The following PNPLA6 variants were observed in gnomAD, a reference collection of about 807,000 sequenced individuals.
PNPLA6 encodes patatin-like phospholipase domain-containing protein 6.
In PNPLA6, 105 loss-of-function variants were observed where a neutral mutation model predicts 153.7. That is an observed-to-expected ratio of 0.68 (90% CI 0.58 to 0.80). The LOEUF is 0.80. Among genes scored for constraint, PNPLA6 ranks in the 30% least tolerant of loss-of-function variants. The pLI is 0.00. For missense variants in PNPLA6, 1,423 were observed against 1,919.3 expected (o/e 0.74, Z 4.83); for synonymous variants, 825 against 822.2 (o/e 1.00, Z -0.06).
rs1377579257 is a variant in PNPLA6, at chr19:7,555,545, A to G, written c.2937-62A>G. ...AGCAGTGCGGGAGGTGGGAGGAGGT[A>G]GGGGCAGGGGAGTTCCTGCAGGTGG... On this transcript the variant is annotated intron_variant, in intron 23 of 31. Transcript: ENST00000600737. The surrounding 1 kb of genome is among the most constrained non-coding windows in gnomAD (Gnocchi z 6.3). 2 of 1,572,952 alleles carry G rather than the reference A, an allele frequency of 1.3e-6. No individual in the cohort carries two copies. The highest frequency in any genetic ancestry group is 1.7e-6 in the Non-Finnish European group (2 of 1,152,438).
chr19:7,554,769 CT>C, intron 21 of PNPLA6, 46 bp downstream of exon 21: 1 of 1,601,856 alleles, frequency 6.2e-7, no homozygotes. Context: ...GGGTCCCGTC[CT>C]TTGCCCTCCC....
chr19:7,541,149 C>T lies in PNPLA6; in HGVS notation c.924+98C>T. On this transcript the variant is annotated intron_variant, in intron 7 of 31. Coordinates refer to ENST00000600737, the MANE Select transcript of PNPLA6 (RefSeq NM_001166114.2). The surrounding 1 kb of genome is among the most constrained non-coding windows in gnomAD (Gnocchi z 5.2). ...GGACCGAGGCCCAGCAGCCAGCAGGCGCTGGAGCTGTGGTTATCGGCCTGG... is the reference window on the plus strand; with the variant it reads ...GGACCGAGGCCCAGCAGCCAGCAGGTGCTGGAGCTGTGGTTATCGGCCTGG... 7.1e-7 allele frequency: 1 copy of T among 1,403,698 alleles called. No homozygotes were observed. Among genetic ancestry groups the T allele is most frequent in the Non-Finnish European group, 9.9e-7 (1 of 1,012,500 alleles). The allele number at this position is 1,403,698 out of a possible 1,614,324, so 87.0% of individuals were successfully genotyped here.
At position 7,553,981 on chromosome 19, in the gene PNPLA6, C is replaced by T; in HGVS notation, c.2367C>T (p.Phe789=). Residue 789 remains phenylalanine, a synonymous_variant, in exon 19 of 32, where the codon TTC becomes TTT. Coordinates refer to ENST00000600737, the MANE Select transcript of PNPLA6 (RefSeq NM_001166114.2). ...PVCAEVPMVA[F]TLELQHALQA... is the part of the protein sequence containing the mutation. ...GTGCTGAGGTCCCCATGGTGGCCTT[C>T]ACGCTGGAGCTGCAGCACGCCCTGC... 1 of 1,614,044 alleles carries T rather than the reference C, an allele frequency of 6.2e-7. No individual in the cohort carries two copies. The highest frequency in any genetic ancestry group is 1.3e-5 in the African/African-American group (1 of 74,998).
Position 7,550,154 on chromosome 19 carries a change from A to G in PNPLA6, c.1814+42A>G, listed in dbSNP as rs767468332. On this transcript the variant is annotated intron_variant, in intron 14 of 31. Coordinates refer to ENST00000600737, the MANE Select transcript of PNPLA6 (RefSeq NM_001166114.2). ...TTGGAGTGTGGGTGGCACTCGGAGG[A>G]CCCCAACCCGTGGGAGTGGCCAGAA... 4.0e-5 allele frequency: 65 copies of G among 1,610,658 alleles called. No homozygotes were observed. In the Admixed American group the frequency reaches 1.1e-3, roughly 26 times the overall value.
rs557664712 is a variant in PNPLA6, at chr19:7,558,484, T to G, written c.3398-366T>G. ...CGGTTTCTACTAAAAATACAAAAATTAGCTGGGCGTGGTGGTGTATGCCTC... is the reference window on the plus strand; with the variant it reads ...CGGTTTCTACTAAAAATACAAAAATGAGCTGGGCGTGGTGGTGTATGCCTC... On this transcript the variant is annotated intron_variant, in intron 27 of 31. Coordinates refer to ENST00000600737, the MANE Select transcript of PNPLA6 (RefSeq NM_001166114.2). Among the ~76,000 whole-genome samples the G allele has an allele frequency of 2.6e-5, 4 of 152,132 alleles. No homozygotes were observed. The East Asian group carries it at 7.7e-4, about 29-fold the overall frequency.
Position 7,541,711 on chromosome 19 carries a change from G to C in PNPLA6, c.1168+27G>C, listed in dbSNP as rs1382471226. On this transcript the variant is annotated intron_variant, in intron 9 of 31. Coordinates refer to ENST00000600737, the MANE Select transcript of PNPLA6 (RefSeq NM_001166114.2). This position sits in a 1 kb window ranked among gnomAD's most constrained non-coding sequence, Gnocchi z 5.2. Reference sequence around the variant, plus strand: ...TACCCAGGGACCCGAGGCCAGCCGAGCCCAATCTCCCAGGAAGCCCCGTCT... The same window carrying C: ...TACCCAGGGACCCGAGGCCAGCCGACCCCAATCTCCCAGGAAGCCCCGTCT... 1 of 1,553,924 alleles carries C rather than the reference G, an allele frequency of 6.4e-7. No individual in the cohort carries two copies. Among genetic ancestry groups the C allele is most frequent in the East Asian group, 2.4e-5 (1 of 41,862 alleles).
chr19:7,540,079 G>C lies in PNPLA6; in HGVS notation c.554+21G>C. On this transcript the variant is annotated intron_variant, in intron 4 of 31. Transcript: ENST00000600737. This position sits in a 1 kb window ranked among gnomAD's most constrained non-coding sequence, Gnocchi z 6.8. ...GTCCGGTCAGTGTTGGGGTGCAGGT[G>C]GGGGTGGAGGGCTGCAGACGTGGGG... The C allele has an allele frequency of 6.2e-7, 1 of 1,613,978 alleles. No homozygotes were observed. The highest frequency in any genetic ancestry group is 8.5e-7 in the Non-Finnish European group (1 of 1,179,960).
chr19:7,538,902 T>C (rs916424041), intron 3 of PNPLA6, among the ~76,000 whole-genome samples: 2 of 152,220 alleles, frequency 1.3e-5, no homozygotes, highest in Non-Finnish European at 2.9e-5. Context: ...TAAACACAGG[T>C]ACCATTTCTG....
In PNPLA6 at chr19:7,559,127, C is replaced by T. The variant is rs1029890238; in HGVS notation, c.3675C>T (p.Asp1225=). 6.2e-7 allele frequency: 1 copy of T among 1,614,168 alleles called. No homozygotes were observed. The highest frequency in any genetic ancestry group is 8.5e-7 in the Non-Finnish European group (1 of 1,180,020). ...RPPIDCFKTM[D]FGKFDQIYDV... ...CCATCGACTGCTTCAAGACCATGGA[C>T]TTTGGGAAGTTCGACCAGATCTATG... The change falls in exon 28 of 32, where the codon GAC becomes GAT. Residue 1225 remains aspartate (D), a synonymous_variant. Coordinates refer to ENST00000600737, the MANE Select transcript of PNPLA6 (RefSeq NM_001166114.2).
intron 3 of PNPLA6, among the ~76,000 whole-genome samples, 161 bp from the exon 4 acceptor site, chr19:7,539,757 C>CAAAA (rs762061101): frequency 3.9e-5 from 2 of 50,882 alleles, no homozygotes; most frequent in Non-Finnish European, 8.6e-5. Flanking sequence ...AACTTCGTCT[C>CAAAA]AAAAAAAAAA....
Position 7,558,993 on chromosome 19 carries a change from G to T in PNPLA6, c.3541G>T (p.Val1181Leu). Residue 1181 changes from valine (V) to leucine (L), a missense_variant, in exon 28 of 32, where the codon GTA (valine) becomes TTA (leucine). Around this residue, in one of 10 missense-constraint regions of PNPLA6, gnomAD observed 643 missense variants for 835.2 expected, o/e 0.77. Coordinates refer to ENST00000600737, the MANE Select transcript of PNPLA6 (RefSeq NM_001166114.2). ...GCGGCTGAATCCCTGGGCTGACAAGGTAAAGGTTCCAGACATGGCTGAAAT... is the reference window on the plus strand; with the variant it reads ...GCGGCTGAATCCCTGGGCTGACAAGTTAAAGGTTCCAGACATGGCTGAAAT... ...WKRLNPWADK[V>L]KVPDMAEIQS... 6.2e-7 allele frequency: 1 copy of T among 1,614,232 alleles called. No homozygotes were observed. The highest frequency in any genetic ancestry group is 1.3e-5 in the African/African-American group (1 of 75,066).
At position 7,555,384 on chromosome 19, in the gene PNPLA6, C is replaced by T. The variant is rs763749201; in HGVS notation, c.2936+17C>T. ...CGGGGCCAGGTGAGGGCGGGGCTTG[C>T]TCTCTGGGGGCGGGGCCTGGATGTC... On this transcript the variant is annotated intron_variant, in intron 23 of 31. Transcript: ENST00000600737. This position sits in a 1 kb window ranked among gnomAD's most constrained non-coding sequence, Gnocchi z 6.3. The T allele has an allele frequency of 1.0e-3, 1,544 of 1,475,020 alleles. 2 individuals are homozygous for T. Among genetic ancestry groups the T allele is most frequent in the Middle Eastern group, 1.4e-3 (8 of 5,670 alleles). The allele number at this position is 1,475,020 out of a possible 1,614,324, so 91.4% of individuals were successfully genotyped here.
rs202211650 is a variant in PNPLA6 at position 7,540,107 on chromosome 19, G to T, written c.555-42G>T. The T allele has an allele frequency of 4.3e-6, 7 of 1,613,556 alleles. No individual in the cohort carries two copies. Among genetic ancestry groups the T allele is most frequent in the Non-Finnish European group, 5.9e-6 (7 of 1,179,984 alleles). On this transcript the variant is annotated intron_variant, in intron 4 of 31. Coordinates refer to ENST00000600737, the MANE Select transcript of PNPLA6 (RefSeq NM_001166114.2). This position sits in a 1 kb window ranked among gnomAD's most constrained non-coding sequence, Gnocchi z 6.8. ...GGTGGAGGGCTGCAGACGTGGGGCCGCCCTGACCTCCAGCCTCTGTCGCCC... is the reference window on the plus strand; with the variant it reads ...GGTGGAGGGCTGCAGACGTGGGGCCTCCCTGACCTCCAGCCTCTGTCGCCC...
chr19:7,545,361 A>C (rs975044830), intron 13 of PNPLA6, among the ~76,000 whole-genome samples: 1 of 152,078 alleles, frequency 6.6e-6, no homozygotes, highest in African/African-American at 2.4e-5. Context: ...AGGTTCCAGC[A>C]TGTGTTTATA....
intron 28 of PNPLA6, among the ~76,000 whole-genome samples, chr19:7,560,131 ACT>A (rs1007429934): frequency 3.3e-5 from 5 of 152,106 alleles, no homozygotes; most frequent in African/African-American, 9.7e-5. Flanking sequence ...ACAGAGTGAG[ACT>A]CTGTCTCAAA....
rs774591720 is a variant in PNPLA6 at position 7,540,098 on chromosome 19, C to T, written c.554+40C>T. 5.6e-6 allele frequency: 9 copies of T among 1,613,808 alleles called. No homozygotes were observed. In the Admixed American group the frequency reaches 6.7e-5, roughly 12 times the overall value. ...GCAGGTGGGGGTGGAGGGCTGCAGA[C>T]GTGGGGCCGCCCTGACCTCCAGCCT... is the stretch of plus-strand genomic sequence containing the variant. On this transcript the variant is annotated intron_variant, in intron 4 of 31. Coordinates refer to ENST00000600737, the MANE Select transcript of PNPLA6 (RefSeq NM_001166114.2). This position sits in a 1 kb window ranked among gnomAD's most constrained non-coding sequence, Gnocchi z 6.8.
At chr19:7,551,196 AG>A (rs896385775) in intron 17 of PNPLA6, 89 bp downstream of exon 17, 7 of 112,926 alleles carry the variant, frequency 6.2e-5, no homozygotes, top group African/African-American at 2.6e-4. Context: ...GGGCTTACAG[AG>A]GGGCGGGGTC....
intron 28 of PNPLA6, 121 bp downstream of exon 28, chr19:7,559,272 C>T: frequency 1.2e-6 from 1 of 841,742 alleles, no homozygotes; most frequent in Non-Finnish European, 2.0e-6. Flanking sequence ...CATCTGGAAT[C>T]TCTGGAAAAC....
intron 13 of PNPLA6, among the ~76,000 whole-genome samples, chr19:7,547,706 T>C (rs1238010527): frequency 6.6e-6 from 1 of 151,870 alleles, no homozygotes; most frequent in South Asian, 2.1e-4. Context: ...GACGCTATCA[T>C]AGCTCACTGC....
Sources: gnomAD v4.1 joint callset for allele counts (sites outside exome capture counted in the v4.1 genomes callset) on GRCh38, gnomAD v4.1.1 for gene constraint, gnomAD v4.1.1 regional missense constraint, Gnocchi (gnomAD v3.1) non-coding constraint, MANE v1.5 for transcripts, NCBI Gene and HGNC (gene_info 2026-07-23, HGNC 2026-07-21) for gene names.